Variants in EXT2 observed in about 807,000 individuals in gnomAD.
The protein encoded by EXT2 is exostosin-2.
In EXT2, 53 loss-of-function variants were observed where a neutral mutation model predicts 81.6. The ratio of observed to expected loss-of-function variants is 0.65; its 90% CI spans 0.52 to 0.82. EXT2 has a LOEUF of 0.82. Among genes scored for constraint, EXT2 ranks in the 40% least tolerant of loss-of-function variants. The probability of loss-of-function intolerance (pLI) is 0.00; values close to 1 mark genes in which losing one functional copy is unlikely to be tolerated. For synonymous variants in EXT2, 320 were observed against 340.0 expected, an observed-to-expected ratio of 0.94 and a Z score of 0.65; for missense variants, 774 against 910.2, an observed-to-expected ratio of 0.85 and a Z score of 1.93.
chr11:44,185,363 A>T lies in EXT2; in HGVS notation c.1306-12466A>T, dbSNP rs1227688639. ...TTCCAGTGACCTCAGCTGTATATTT[A>T]AAATAATTTTTGTTCTATTTTATAC... On this transcript the variant is annotated intron_variant, in intron 8 of 13. Transcript: ENST00000533608. Among the ~76,000 whole-genome samples, 7 of 152,320 alleles carry T rather than the reference A, an allele frequency of 4.6e-5. No individual in the cohort carries two copies. The East Asian group carries it at 9.7e-4, about 21-fold the overall frequency.
intron 7 of EXT2, among the ~76,000 whole-genome samples, chr11:44,171,017 T>G (rs1037559433): frequency 2.0e-5 from 3 of 152,234 alleles, no homozygotes; most frequent in African/African-American, 7.2e-5. Context: ...ATAACCTTGA[T>G]ACCATAACCT....
intron 7 of EXT2, among the ~76,000 whole-genome samples, chr11:44,154,172 T>G (rs1954829705): frequency 6.6e-6 from 1 of 152,118 alleles, no homozygotes; most frequent in Non-Finnish European, 1.5e-5. Flanking sequence ...TTAGTCATTT[T>G]GAGATGTACA....
rs567539545 is a variant in EXT2, at chr11:44,228,448, G to A, written c.1663-3905G>A. ...CAGGGTAGAGTTTGAGCTCTTGCTC[G>A]TCTGGCTGGGAAAATGCTTTACTGT... On this transcript the variant is annotated intron_variant, in intron 10 of 13. Transcript: ENST00000533608. Among the ~76,000 whole-genome samples the A allele has an allele frequency of 1.8e-4, 28 of 152,306 alleles. No individual in the cohort carries two copies. The East Asian group carries it at 2.9e-3, about 16-fold the overall frequency.
chr11:44,147,108 T>G (rs554341451), intron 7 of EXT2, among the ~76,000 whole-genome samples: 35 of 152,310 alleles, frequency 2.3e-4, no homozygotes, highest in African/African-American at 6.5e-4. Flanking sequence ...CTCACCTAGA[T>G]GCATCAGCTA....
chr11:44,136,349 G>A (rs766078709), intron 7 of EXT2, among the ~76,000 whole-genome samples: 22 of 152,278 alleles, frequency 1.4e-4, no homozygotes, highest in South Asian at 4.1e-4. Flanking sequence ...ATAAAGAGAC[G>A]TAAAGTAATC....
intron 7 of EXT2, among the ~76,000 whole-genome samples, chr11:44,166,237 A>G (rs1177241244): frequency 2.6e-5 from 4 of 152,232 alleles, no homozygotes; most frequent in African/African-American, 9.6e-5. Context: ...ATTTCATAGT[A>G]AGGGGAGATT....
intron 8 of EXT2, among the ~76,000 whole-genome samples, chr11:44,196,093 T>C (rs190923446): frequency 6.6e-6 from 1 of 152,330 alleles, no homozygotes; most frequent in Admixed American, 6.5e-5. Context: ...GTATTAAAAG[T>C]ACTTAATATT....
In EXT2 at chr11:44,248,115, C is replaced by G. The variant is rs993229867; in HGVS notation, c.*3828C>G. 1.3e-5 allele frequency among the ~76,000 whole-genome samples: 2 copies of G among 152,130 alleles called. No homozygotes were observed. Among genetic ancestry groups the G allele is most frequent in the Non-Finnish European group, 2.9e-5 (2 of 68,036 alleles). ...CACCCATCATGAGCCTGGTGTGTTT[C>G]CTTTGCTTTGTAGCTCCTTTGGGGG... On this transcript the variant is annotated 3_prime_UTR_variant, in exon 14 of 14. Coordinates refer to ENST00000533608, the MANE Select transcript of EXT2 (RefSeq NM_207122.2).
chr11:44,198,137 A>G, intron 9 of EXT2, 119 bp downstream of exon 9: 1 of 1,029,156 alleles, frequency 9.7e-7, no homozygotes, highest in Non-Finnish European at 1.5e-6. Flanking sequence ...CTGAGACAGC[A>G]TGCCTCCATT....
At chr11:44,119,151 T>TATATATATATAC (rs1954273543) in intron 4 of EXT2, among the ~76,000 whole-genome samples, 1 of 91,650 alleles carries the variant, frequency 1.1e-5, no homozygotes, top group Non-Finnish European at 2.1e-5. Flanking sequence ...TATATATATA[T>TATATATATATAC]ATATATATAT....
intron 10 of EXT2, among the ~76,000 whole-genome samples, chr11:44,229,908 T>C (rs1476922068): frequency 6.6e-6 from 1 of 152,232 alleles, no homozygotes; most frequent in Non-Finnish European, 1.5e-5. Context: ...GGCACTGTTC[T>C]TTGTGCGTGG....
chr11:44,198,062 G>A (rs1405472821), intron 9 of EXT2, 44 bp downstream of exon 9: 1 of 1,593,290 alleles, frequency 6.3e-7, no homozygotes. Context: ...AATTTTGGAT[G>A]GCCAAATTAT....
rs1955045994 is a variant in EXT2, at chr11:44,169,816, C to CAAA, written c.1174-1794_1174-1793insAAA. ...ACTCAAAAAGTTTTGGATTTTGGAGCATTTTAGCTTTGATTTTTTGGATTT... is the reference window on the plus strand; with the variant it reads ...ACTCAAAAAGTTTTGGATTTTGGAGCAAAATTTTAGCTTTGATTTTTTGGATTT... On this transcript the variant is annotated intron_variant, in intron 7 of 13. Transcript: ENST00000533608. Among the ~76,000 whole-genome samples, 6 of 48,482 alleles carry CAAA rather than the reference C, an allele frequency of 1.2e-4. No homozygotes were observed. In the South Asian group the frequency reaches 3.9e-3, roughly 31 times the overall value. 31.8% of individuals were successfully genotyped at this position (48,482 alleles called of 152,430 possible). A position where few individuals can be genotyped will look rare whatever the true frequency, so the allele number is the denominator to read the frequency against.
At chr11:44,179,201 C>T (rs892395555) in intron 8 of EXT2, among the ~76,000 whole-genome samples, 3 of 152,060 alleles carry the variant, frequency 2.0e-5, no homozygotes, top group Admixed American at 6.5e-5. Context: ...AAGACGGACT[C>T]GAGGATATTG....
chr11:44,129,803 G>A (rs552278807), intron 6 of EXT2, among the ~76,000 whole-genome samples: 14 of 152,264 alleles, frequency 9.2e-5, no homozygotes, highest in African/African-American at 2.9e-4. Flanking sequence ...TGGAGTGGAG[G>A]CAGGGTGAAA....
chr11:44,197,707 A>C (rs1955471953), intron 8 of EXT2, 122 bp from the exon 9 acceptor site: 6 of 964,660 alleles, frequency 6.2e-6, no homozygotes, highest in Non-Finnish European at 8.2e-6. Context: ...GCAGTTGCTT[A>C]GCTCTGGGAT....
At chr11:44,209,433 G>A (rs1955621701) in intron 10 of EXT2, among the ~76,000 whole-genome samples, 1 of 152,190 alleles carries the variant, frequency 6.6e-6, no homozygotes, top group South Asian at 2.1e-4. Context: ...ATTCATGAAC[G>A]AGATTGTTGT....
intron 7 of EXT2, among the ~76,000 whole-genome samples, chr11:44,142,218 G>A (rs1265875934): frequency 6.6e-6 from 1 of 152,178 alleles, no homozygotes; most frequent in Non-Finnish European, 1.5e-5. Context: ...TGCAGAGGCT[G>A]AGAGAATTTG....
chr11:44,206,766 T>G, intron 9 of EXT2, 27 bp from the exon 10 acceptor site: 1 of 1,613,374 alleles, frequency 6.2e-7, no homozygotes. Context: ...GTTAGGAGAA[T>G]AGTAAATACC....
Sources: allele counts gnomAD v4.1 joint callset (sites outside exome capture counted in the v4.1 genomes callset), GRCh38; gene constraint gnomAD v4.1.1; transcripts MANE v1.5; gene names NCBI Gene and HGNC (gene_info 2026-07-23, HGNC 2026-07-21).